The following XIRP2 variants were observed in gnomAD, a reference collection of about 807,000 sequenced individuals.
XIRP2 encodes the protein xin actin binding repeat containing 2.
Under a neutral mutation model 277.0 loss-of-function variants are expected in XIRP2, and 236 were observed. The observed-to-expected ratio is 0.85, with a 90% CI of 0.77 to 0.95. The LOEUF is 0.95. Among genes scored for constraint, XIRP2 ranks in the 40% least tolerant of loss-of-function variants. The pLI is 0.00. For missense variants in XIRP2, 4,640 were observed against 4,157.5 expected (o/e 1.12, Z -3.19); for synonymous variants, 1,490 against 1,416.5 (o/e 1.05, Z -1.17).
intron 2 of XIRP2, among the ~76,000 whole-genome samples, chr2:166,912,417 G>A (rs1330256914): frequency 6.6e-6 from 1 of 152,150 alleles, no homozygotes; most frequent in African/African-American, 2.4e-5. Flanking sequence ...TGAAGCTTGT[G>A]CATTCGTCAC....
chr2:166,965,053 G>A (rs141509419), intron 2 of XIRP2, among the ~76,000 whole-genome samples: 39 of 151,946 alleles, frequency 2.6e-4, no homozygotes, highest in African/African-American at 8.9e-4. Flanking sequence ...AAGCAAGAGG[G>A]AGACTACTAT....
chr2:167,001,262 A>G (rs1687361376), intron 2 of XIRP2, among the ~76,000 whole-genome samples: 1 of 152,080 alleles, frequency 6.6e-6, no homozygotes, highest in African/African-American at 2.4e-5. Context: ...CCATCCGCCT[A>G]CGTAATAGCC....
intron 2 of XIRP2, among the ~76,000 whole-genome samples, chr2:166,929,930 A>G (rs1426311550): frequency 6.6e-6 from 1 of 152,156 alleles, no homozygotes; most frequent in African/African-American, 2.4e-5. Context: ...ATCTTCACCT[A>G]AGATCAGATT....
At chr2:167,039,622 G>C (rs770779259) in intron 2 of XIRP2, among the ~76,000 whole-genome samples, 1 of 152,134 alleles carries the variant, frequency 6.6e-6, no homozygotes, top group Non-Finnish European at 1.5e-5. Flanking sequence ...GGTATGGAGA[G>C]AATGTGGGAA....
In XIRP2 at chr2:166,926,419, G is replaced by A. The variant is rs140356291; in HGVS notation, c.408+22529G>A. On this transcript the variant is annotated intron_variant, in intron 2 of 10. Coordinates refer to ENST00000409195, the MANE Select transcript of XIRP2 (RefSeq NM_152381.6). ...ATAGTGACCATTACAATTTCCAGCC[G>A]CCTATCATTTCACTGTTGCCATTAA... is the stretch of plus-strand genomic sequence containing the variant. Among the ~76,000 whole-genome samples the A allele has an allele frequency of 7.2e-4, 110 of 152,036 alleles. 1 individual carries two copies. The highest frequency in any genetic ancestry group is 1.0e-3 in the Non-Finnish European group (68 of 67,960).
chr2:166,929,852 G>A (rs767245725), intron 2 of XIRP2, among the ~76,000 whole-genome samples: 2 of 151,970 alleles, frequency 1.3e-5, no homozygotes, highest in Admixed American at 6.6e-5. Context: ...CTGCATTCAC[G>A]CTTTTGACAG....
chr2:167,005,643 G>A (rs1687484543), intron 2 of XIRP2, among the ~76,000 whole-genome samples: 1 of 151,826 alleles, frequency 6.6e-6, no homozygotes, highest in Non-Finnish European at 1.5e-5. Context: ...TTACACATTA[G>A]AAGAAGTTAT....
chr2:167,163,107 TCA>T (rs1692418336), intron 3 of XIRP2, among the ~76,000 whole-genome samples: 1 of 152,214 alleles, frequency 6.6e-6, no homozygotes, highest in Non-Finnish European at 1.5e-5. Context: ...ATTTCTAGTT[TCA>T]GGCTATTAAG....
At chr2:167,028,989 G>A (rs1461167901) in intron 2 of XIRP2, among the ~76,000 whole-genome samples, 1 of 151,700 alleles carries the variant, frequency 6.6e-6, no homozygotes, top group Non-Finnish European at 1.5e-5. Context: ...TGAGCTTAAA[G>A]ATAGGCTCTT....
chr2:167,242,675 A>G lies in XIRP2; in HGVS notation c.1283A>G (p.Tyr428Cys). 1 of 1,614,148 alleles carries G rather than the reference A, an allele frequency of 6.2e-7. No individual in the cohort carries two copies. Among genetic ancestry groups the G allele is most frequent in the East Asian group, 2.2e-5 (1 of 44,858 alleles). Residue 428 changes from tyrosine (Y) to cysteine (C), a missense_variant, in exon 9 of 11, where the codon TAT becomes TGT. Transcript: ENST00000409195. Reference sequence around the variant, plus strand: ...AGGAAGGAAACATCAACTACAAGATATAGTGATCACAGTGTCACTTCCTCA... The same window carrying G: ...AGGAAGGAAACATCAACTACAAGATGTAGTGATCACAGTGTCACTTCCTCA... ...SQRKETSTTR[Y>C]SDHSVTSSTL...
chr2:166,977,605 T>G (rs1376944268), intron 2 of XIRP2, among the ~76,000 whole-genome samples: 1 of 151,938 alleles, frequency 6.6e-6, no homozygotes, highest in African/African-American at 2.4e-5. Context: ...CTAAAAAGAG[T>G]AACAATGAAG....
intron 2 of XIRP2, among the ~76,000 whole-genome samples, chr2:166,941,104 T>G (rs961947859): frequency 1.3e-5 from 2 of 152,164 alleles, no homozygotes; most frequent in African/African-American, 4.8e-5. Flanking sequence ...CAGTTCGAGC[T>G]TCCCAGCCAC....
chr2:167,187,924 G>A (rs1693205208), intron 3 of XIRP2, among the ~76,000 whole-genome samples: 2 of 152,158 alleles, frequency 1.3e-5, no homozygotes, highest in Non-Finnish European at 2.9e-5. Context: ...TTTGTTGAGG[G>A]AAAGGAAGAG....
Position 167,248,975 on chromosome 2 carries a change from C to T in XIRP2, c.7583C>T (p.Ser2528Leu), listed in dbSNP as rs1190435016. 2 of 1,613,566 alleles carry T rather than the reference C, an allele frequency of 1.2e-6. No homozygotes were observed. Among genetic ancestry groups the T allele is most frequent in the South Asian group, 1.1e-5 (1 of 91,032 alleles). The change falls in exon 9 of 11, where the codon TCA becomes TTA. Residue 2528 changes from serine to leucine, a missense_variant. By Grantham distance (145) the Ser-to-Leu change is moderately radical (BLOSUM62 -2). Transcript: ENST00000409195. The part of the protein sequence containing the change: ...LIKSHSFPES[S>L]GQQNPKPYMR... The stretch of plus-strand genomic sequence containing the variant: ...AAATCTCATTCATTTCCAGAGAGTT[C>T]AGGACAACAAAATCCAAAACCTTAT...
chr2:167,120,512 G>A (rs1691026827), intron 2 of XIRP2, among the ~76,000 whole-genome samples: 1 of 152,146 alleles, frequency 6.6e-6, no homozygotes, highest in African/African-American at 2.4e-5. Context: ...TTATTCGAAT[G>A]ATCACTATGG....
chr2:166,913,303 G>T (rs774143247), intron 2 of XIRP2, among the ~76,000 whole-genome samples: 23 of 102,204 alleles, frequency 2.3e-4, no homozygotes, highest in Non-Finnish European at 3.8e-4. Flanking sequence ...CCTCAGCAAT[G>T]GTGGGCACCC....
At chr2:167,256,784 A>G (rs1471886519) in intron 10 of XIRP2, among the ~76,000 whole-genome samples, 1 of 151,904 alleles carries the variant, frequency 6.6e-6, no homozygotes, top group Non-Finnish European at 1.5e-5. Flanking sequence ...TAGTTTTCAT[A>G]TGCTGATCAA....
At chr2:167,022,182 A>G (rs1688002237) in intron 2 of XIRP2, among the ~76,000 whole-genome samples, 1 of 152,114 alleles carries the variant, frequency 6.6e-6, no homozygotes, top group East Asian at 1.9e-4. Flanking sequence ...TTTACAAACT[A>G]TACATTGTAA....
intron 1 of XIRP2, among the ~76,000 whole-genome samples, chr2:166,895,671 AATTGTATTTTAAC>A (rs1195376620): frequency 1.3e-5 from 2 of 152,076 alleles, no homozygotes; most frequent in East Asian, 3.9e-4. Context: ...TGAGTTTTGG[AATTGTATTTTAAC>A]ATACACAGGC....
Sources: allele counts gnomAD v4.1 joint callset (sites outside exome capture counted in the v4.1 genomes callset), GRCh38; gene constraint gnomAD v4.1.1; transcripts MANE v1.5; gene names NCBI Gene and HGNC (gene_info 2026-07-23, HGNC 2026-07-21).